STARD13: variants seen among roughly 807,000 people sequenced by gnomAD.
STARD13 encodes the protein stAR-related lipid transfer protein 13.
STARD13 carries 62 observed loss-of-function variants against 106.4 expected under a neutral mutation model. The ratio of observed to expected loss-of-function variants is 0.58; its 90% confidence interval spans 0.48 to 0.72. The LOEUF is 0.72. Among genes scored for constraint, STARD13 ranks in the 30% least tolerant of loss-of-function variants. The probability of loss-of-function intolerance (pLI) is 0.00; values close to 1 mark genes in which losing one functional copy is unlikely to be tolerated. For missense variants in STARD13, 1,387 were observed against 1,424.0 expected (o/e 0.97, Z 0.42); for synonymous variants, 565 against 553.0 (o/e 1.02, Z -0.31).
intron 1 of STARD13, chr13:33,281,286 T>G (rs1594212812): frequency 6.6e-6 from 1 of 152,240 alleles, no homozygotes; most frequent in East Asian, 1.9e-4. Context: ...TTGACTGCAA[T>G]CCGGATTATG....
At chr13:33,584,609 G>T in the STARD13 span, among the ~76,000 whole-genome samples, 2 of 152,068 alleles carry the variant, frequency 1.3e-5, no homozygotes, top group African/African-American at 4.8e-5. Context: ...TTCCCTGTTG[G>T]TTACAAATGT....
chr13:33,186,533 G>C (rs1470741805), intron 1 of STARD13, among the ~76,000 whole-genome samples: 1 of 152,120 alleles, frequency 6.6e-6, no homozygotes, highest in African/African-American at 2.4e-5. Flanking sequence ...GATTCTAAGA[G>C]ACTTCCTTCC....
At chr13:33,354,734 A>T (rs2078109737), upstream of STARD13, among the ~76,000 whole-genome samples, 1 of 152,072 alleles carries the variant, frequency 6.6e-6, no homozygotes, top group Non-Finnish European at 1.5e-5. Flanking sequence ...ATTCTCATTA[A>T]TTATCACTCT....
chr13:33,196,623 G>A (rs1027300975), intron 1 of STARD13, among the ~76,000 whole-genome samples: 9 of 152,134 alleles, frequency 5.9e-5, no homozygotes, highest in African/African-American at 1.2e-4. Flanking sequence ...ACATGGACTC[G>A]ATTGAGAGAC....
the STARD13 span, among the ~76,000 whole-genome samples, chr13:33,536,226 G>C: frequency 6.6e-6 from 1 of 152,168 alleles, no homozygotes; most frequent in Non-Finnish European, 1.5e-5. Context: ...AATTGTGCTG[G>C]CCATTATTTA....
At chr13:33,470,016 T>A in the STARD13 span, among the ~76,000 whole-genome samples, 1 of 152,204 alleles carries the variant, frequency 6.6e-6, no homozygotes, top group Non-Finnish European at 1.5e-5. Flanking sequence ...CAACCCATCA[T>A]CTACATTAGG....
At chr13:33,357,638 T>C in the STARD13 span, among the ~76,000 whole-genome samples, 9 of 152,198 alleles carry the variant, frequency 5.9e-5, no homozygotes, top group Non-Finnish European at 1.0e-4. Flanking sequence ...AGCTAATAAG[T>C]TGCGGAACCA....
chr13:33,323,476 A>T (rs560250063), intron 1 of STARD13, among the ~76,000 whole-genome samples: 60 of 152,224 alleles, frequency 3.9e-4, no homozygotes, highest in Non-Finnish European at 6.6e-4. Context: ...TTTGTCACAT[A>T]AGTGTGATCT....
chr13:33,594,437 T>G, the STARD13 span, among the ~76,000 whole-genome samples: 1 of 152,216 alleles, frequency 6.6e-6, no homozygotes, highest in African/African-American at 2.4e-5. Flanking sequence ...ACTAAAACCA[T>G]GAACTTTGAA....
chr13:33,532,176 T>C, the STARD13 span, among the ~76,000 whole-genome samples: 2 of 152,182 alleles, frequency 1.3e-5, no homozygotes, highest in African/African-American at 2.4e-5. Flanking sequence ...ATTGTGCCCT[T>C]TTTGCTACAA....
the STARD13 span, among the ~76,000 whole-genome samples, chr13:33,542,750 C>A: frequency 6.6e-6 from 1 of 152,328 alleles, no homozygotes; most frequent in South Asian, 2.1e-4. Context: ...TTTCCGGCAA[C>A]GAGCGCAAAG....
intron 1 of STARD13, among the ~76,000 whole-genome samples, chr13:33,176,071 G>A (rs1254010383): frequency 6.6e-6 from 1 of 152,146 alleles, no homozygotes; most frequent in African/African-American, 2.4e-5. Context: ...GGTTGACATG[G>A]CAAGATAGAT....
chr13:33,594,011 G>A, the STARD13 span, among the ~76,000 whole-genome samples: 5,577 of 151,950 alleles, frequency 0.037, 264 homozygotes, highest in African/African-American at 0.1. Context: ...GGTTCACGCC[G>A]TTCTCCTGCC....
chr13:33,595,227 A>T, the STARD13 span, among the ~76,000 whole-genome samples: 1 of 152,218 alleles, frequency 6.6e-6, no homozygotes, highest in East Asian at 1.9e-4. Context: ...AGCTTACTTC[A>T]TTATCTTTAA....
the STARD13 span, among the ~76,000 whole-genome samples, chr13:33,420,978 C>G: frequency 6.6e-6 from 1 of 152,200 alleles, no homozygotes; most frequent in South Asian, 2.1e-4. Flanking sequence ...ATTTATAGCA[C>G]TAAATGCCCC....
chr13:33,192,674 G>A (rs1255152518), intron 1 of STARD13, among the ~76,000 whole-genome samples: 3 of 152,082 alleles, frequency 2.0e-5, no homozygotes, highest in Non-Finnish European at 2.9e-5. Context: ...CAAGGTGGGC[G>A]GATCACCTGA....
the STARD13 span, among the ~76,000 whole-genome samples, chr13:33,427,548 C>A: frequency 4.6e-5 from 7 of 152,240 alleles, no homozygotes; most frequent in South Asian, 6.2e-4. Context: ...TAAATTCACC[C>A]AATACTATTT....
intron 1 of STARD13, among the ~76,000 whole-genome samples, chr13:33,197,676 A>G (rs140731919): frequency 2.0e-5 from 3 of 152,300 alleles, no homozygotes; most frequent in Non-Finnish European, 4.4e-5. Flanking sequence ...ATGCTTGCCT[A>G]ACGGATCAGC....
chr13:33,383,380 A>G, the STARD13 span, among the ~76,000 whole-genome samples: 1 of 151,696 alleles, frequency 6.6e-6, no homozygotes, highest in East Asian at 1.9e-4. Flanking sequence ...CCCTGTGTCA[A>G]AAAAAAAGGT....
Sources: allele counts gnomAD v4.1 joint callset (sites outside exome capture counted in the v4.1 genomes callset), GRCh38; gene constraint gnomAD v4.1.1; transcripts MANE v1.5; gene names NCBI Gene and HGNC (gene_info 2026-07-23, HGNC 2026-07-21).